SETX: variants seen among roughly 807,000 people sequenced by gnomAD.
The protein encoded by SETX is helicase senataxin.
Under a neutral mutation model 227.2 loss-of-function variants are expected in SETX, and 90 were observed. That is an observed-to-expected ratio of 0.40 (90% confidence interval 0.33 to 0.47). The LOEUF (loss-of-function observed/expected upper bound fraction) is 0.47, where lower values mean the gene tolerates loss of function less well. SETX is among the 20% of genes least tolerant of loss of function. The pLI, the probability that SETX is intolerant of heterozygous loss-of-function variation, is 0.91. For missense variants in SETX, 3,052 were observed against 3,181.5 expected (o/e 0.96, Z 0.98); for synonymous variants, 1,210 against 1,113.2 (o/e 1.09, Z -1.73).
rs1462572874 is a variant in SETX at position 132,311,740 on chromosome 9, C to T, written c.5374+17G>A. ...TTATTATATCATATATTCCAAGTTG[C>T]GTAAGAAAAAACTTACCTGCAAACT... is the stretch of plus-strand genomic sequence containing the variant. On this transcript the variant is annotated intron_variant, in intron 11 of 25. Coordinates refer to ENST00000224140, the MANE Select transcript of SETX (RefSeq NM_015046.7). 10 of 1,527,108 alleles carry T rather than the reference C, an allele frequency of 6.5e-6. No homozygotes were observed. The highest frequency in any genetic ancestry group is 1.4e-5 in the African/African-American group (1 of 73,156). 94.6% of individuals were successfully genotyped at this position (1,527,108 alleles called of 1,614,324 possible).
rs535895057 is a variant in SETX, at chr9:132,325,888, G to A, written c.5274+436C>T. ...CAGAAGGTTGCAGTGAGCAAAGATCGCACCATTGCACTCCAGCCTGGGCAG... is the reference window on the plus strand; with the variant it reads ...CAGAAGGTTGCAGTGAGCAAAGATCACACCATTGCACTCCAGCCTGGGCAG... On this transcript the variant is annotated intron_variant, in intron 10 of 25. Coordinates refer to ENST00000224140, the MANE Select transcript of SETX (RefSeq NM_015046.7). 8.1e-4 allele frequency among the ~76,000 whole-genome samples: 116 copies of A among 143,366 alleles called. 1 individual carries two copies. Among genetic ancestry groups the A allele is most frequent in the African/African-American group, 2.8e-3 (107 of 38,500 alleles). The allele number at this position is 143,366 out of a possible 152,430, so 94.1% of individuals were successfully genotyped here. A position where few individuals can be genotyped will look rare whatever the true frequency, so the allele number is the denominator to read the frequency against.
chr9:132,330,581 C>T (rs1186568728), intron 9 of SETX, 82 bp from the exon 10 acceptor site: 18 of 1,152,340 alleles, frequency 1.6e-5, no homozygotes, highest in South Asian at 9.0e-5. Context: ...AAGAAAAATA[C>T]GTTTCTCAAC....
chr9:132,324,994 GAGAGA>G (rs1364114193), intron 10 of SETX, among the ~76,000 whole-genome samples: 3 of 152,172 alleles, frequency 2.0e-5, no homozygotes, highest in Admixed American at 6.5e-5. Context: ...GAGTAAGGAG[GAGAGA>G]AGAACCAGAA....
chr9:132,277,052 A>G lies in SETX; in HGVS notation c.6935+8T>C, dbSNP rs17148873. On this transcript the variant is annotated splice_region_variant and intron_variant, in intron 22 of 25. Coordinates refer to ENST00000224140, the MANE Select transcript of SETX (RefSeq NM_015046.7). Reference sequence around the variant, plus strand: ...CTATCAGAGGACTGAGGCAAGAGGAAAACATACTCATTATCCCGTCTTTCT... The same window carrying G: ...CTATCAGAGGACTGAGGCAAGAGGAGAACATACTCATTATCCCGTCTTTCT... The G allele has an allele frequency of 0.087, 139,608 of 1,609,646 alleles. 6,849 individuals are homozygous for G. Among genetic ancestry groups the G allele is most frequent in the Middle Eastern group, 0.18 (1,099 of 6,054 alleles).
chr9:132,277,789 CAAAAAAAAAA>C (rs372125008), intron 21 of SETX, among the ~76,000 whole-genome samples: 8 of 68,114 alleles, frequency 1.2e-4, no homozygotes, highest in South Asian at 4.9e-4. Flanking sequence ...ACCCTGTCTT[CAAAAAAAAAA>C]AAAAAAAAAA....
rs750178634 is a variant in SETX, at chr9:132,327,286, G to A, written c.4312C>T (p.Pro1438Ser). The A allele has an allele frequency of 1.6e-5, 26 of 1,613,982 alleles. No individual in the cohort carries two copies. Among genetic ancestry groups the A allele is most frequent in the East Asian group, 1.1e-4 (5 of 44,884 alleles). Reference sequence around the variant, plus strand: ...ACTACAGAATCACACTGGTTCAAAGGGCAAGCATCATCAGTTGCTGGAGAC... The same window carrying A: ...ACTACAGAATCACACTGGTTCAAAGAGCAAGCATCATCAGTTGCTGGAGAC... The part of the protein sequence containing the change: ...HGSPATDDAC[P>S]LNQCDSVVLN... The change falls in exon 10 of 26, where the codon CCT becomes TCT. Residue 1438 changes from proline to serine, a missense_variant. By Grantham distance (74) the Pro-to-Ser change is moderately conservative. Coordinates refer to ENST00000224140, the MANE Select transcript of SETX (RefSeq NM_015046.7).
Position 132,329,751 on chromosome 9 carries a change from G to A in SETX, c.1847C>T (p.Pro616Leu), listed in dbSNP as rs763086137. 3.7e-6 allele frequency: 6 copies of A among 1,614,102 alleles called. No homozygotes were observed. Among genetic ancestry groups the A allele is most frequent in the African/African-American group, 1.3e-5 (1 of 75,036 alleles). The change falls in exon 10 of 26, where the codon CCT (proline) becomes CTT (leucine). Residue 616 changes from proline to leucine, a missense_variant. Coordinates refer to ENST00000224140, the MANE Select transcript of SETX (RefSeq NM_015046.7). ...ACTTTCTTCTTTATTATAAGATGCA[G>A]GAGAGATTTTACATGCAGAAGTCAG... ...VDLTSACKIS[P>L]ASYNKEESEQ...
At chr9:132,269,173 T>C (rs920860996) in intron 25 of SETX, among the ~76,000 whole-genome samples, 1 of 152,260 alleles carries the variant, frequency 6.6e-6, no homozygotes, top group Non-Finnish European at 1.5e-5. Context: ...CCGGAGGCGC[T>C]AAGTGCTGGA....
intron 5 of SETX, among the ~76,000 whole-genome samples, chr9:132,337,062 A>C (rs1475393307): frequency 6.6e-6 from 1 of 152,104 alleles, no homozygotes; most frequent in East Asian, 1.9e-4. Context: ...GTAAGACTCC[A>C]TCTCAAAAAA....
chr9:132,275,218 C>A, intron 23 of SETX, 38 bp downstream of exon 23: 1 of 1,599,548 alleles, frequency 6.3e-7, no homozygotes, highest in South Asian at 1.1e-5. Context: ...CATTCTAATT[C>A]AACAAGAAAA....
At chr9:132,340,384 C>T (rs1205943857) in intron 5 of SETX, among the ~76,000 whole-genome samples, 1 of 152,130 alleles carries the variant, frequency 6.6e-6, no homozygotes, top group Non-Finnish European at 1.5e-5. Context: ...CTACTGAAAT[C>T]TTCATGTTTC....
In SETX at chr9:132,329,064, G is replaced by A. The variant is rs748607857; in HGVS notation, c.2534C>T (p.Pro845Leu). ...DGFIHNLSLDPSGVLDDKNGE... is the reference protein window; with the variant it reads ...DGFIHNLSLDLSGVLDDKNGE... ...ATTCTTATCATCCAGAACACCACTA[G>A]GGTCTAAAGAAAGATTGTGTATGAA... Residue 845 changes from proline (P) to leucine (L), a missense_variant, in exon 10 of 26, where the codon CCT (proline) becomes CTT (leucine). Pro to Leu is a moderately conservative substitution (Grantham distance 98). Coordinates refer to ENST00000224140, the MANE Select transcript of SETX (RefSeq NM_015046.7). The A allele has an allele frequency of 1.2e-6, 2 of 1,609,610 alleles. No homozygotes were observed. Among genetic ancestry groups the A allele is most frequent in the African/African-American group, 1.3e-5 (1 of 74,982 alleles).
chr9:132,355,151 C>T (rs1166219011), upstream of SETX, among the ~76,000 whole-genome samples: 2 of 152,162 alleles, frequency 1.3e-5, no homozygotes, highest in Non-Finnish European at 2.9e-5. Flanking sequence ...CCGCCCACGC[C>T]GGGCGCTGGC....
At chr9:132,317,985 CT>C (rs948796250) in intron 10 of SETX, among the ~76,000 whole-genome samples, 99 of 152,296 alleles carry the variant, frequency 6.5e-4, no homozygotes, top group Middle Eastern at 3.4e-3. Flanking sequence ...TAATTTATCA[CT>C]TTTTTCTCTC....
intron 4 of SETX, 149 bp from the exon 5 acceptor site, chr9:132,342,948 C>T: frequency 1.5e-6 from 1 of 670,838 alleles, no homozygotes; most frequent in Non-Finnish European, 2.6e-6. Context: ...ATTGTAAATG[C>T]AGGAACAATA....
intron 15 of SETX, among the ~76,000 whole-genome samples, chr9:132,292,122 A>G (rs73547003): frequency 0.079 from 12,092 of 152,218 alleles, 706 homozygotes; most frequent in East Asian, 0.17. Context: ...CCTGTGTCAC[A>G]TGTGCATTTA....
rs780759070 is a variant in SETX at position 132,328,950 on chromosome 9, T to C, written c.2648A>G (p.Asn883Ser). The C allele has an allele frequency of 1.9e-5, 30 of 1,610,954 alleles. No homozygotes were observed. Among genetic ancestry groups the C allele is most frequent in the African/African-American group, 1.2e-4 (9 of 74,802 alleles). ...ELVIFSFHEN[N>S]CKIQEFHVDG... The stretch of plus-strand genomic sequence containing the variant: ...AACATGAAATTCCTGTATTTTACAA[T>C]TGTTTTCATGGAAAGAGAAAATAAC... The change falls in exon 10 of 26, where the codon AAT becomes AGT. Residue 883 changes from asparagine to serine, a missense_variant. Asn to Ser is a conservative substitution (Grantham distance 46, BLOSUM62 1). Coordinates refer to ENST00000224140, the MANE Select transcript of SETX (RefSeq NM_015046.7).
chr9:132,278,973 T>C (rs1421724625), intron 20 of SETX, among the ~76,000 whole-genome samples: 3 of 152,234 alleles, frequency 2.0e-5, no homozygotes, highest in African/African-American at 7.2e-5. Context: ...CAGACTCGAC[T>C]TATGTGTTGA....
rs1847046741 is a variant in SETX, at chr9:132,329,071, A to C, written c.2527T>G (p.Leu843Val). The change falls in exon 10 of 26, where the codon TTA (leucine) becomes GTA (valine). Residue 843 changes from leucine to valine, a missense_variant. Leu to Val is a conservative substitution (Grantham distance 32). Transcript: ENST00000224140. ...KGDGFIHNLS[L>V]DPSGVLDDKN... ...TCATCCAGAACACCACTAGGGTCTA[A>C]AGAAAGATTGTGTATGAAACCATCT... 1 of 1,610,022 alleles carries C rather than the reference A, an allele frequency of 6.2e-7. No individual in the cohort carries two copies. The highest frequency in any genetic ancestry group is 8.5e-7 in the Non-Finnish European group (1 of 1,179,316).
Sources: allele counts gnomAD v4.1 joint callset (sites outside exome capture counted in the v4.1 genomes callset), GRCh38; gene constraint gnomAD v4.1.1; transcripts MANE v1.5; gene names NCBI Gene and HGNC (gene_info 2026-07-23, HGNC 2026-07-21).